The following ATXN7 variants were observed in gnomAD, a reference collection of about 807,000 sequenced individuals.
ATXN7 encodes the protein ataxin-7.
Under a neutral mutation model 70.5 loss-of-function variants are expected in ATXN7, and 12 were observed. That is an observed-to-expected ratio of 0.17 (90% CI 0.11 to 0.28). The LOEUF is 0.28. Among genes scored for constraint, ATXN7 ranks in the 10% least tolerant of loss-of-function variants. The pLI, the probability that ATXN7 is intolerant of heterozygous loss-of-function variation, is 1.00. For synonymous variants in ATXN7, 498 were observed against 448.7 expected (o/e 1.11, Z -1.39); for missense variants, 1,256 against 1,131.7 (o/e 1.11, Z -1.58).
intron 4 of ATXN7, among the ~76,000 whole-genome samples, chr3:63,950,037 A>G (rs980437317): frequency 9.2e-5 from 14 of 152,194 alleles, no homozygotes; most frequent in Admixed American, 6.5e-5. Context: ...TATAGTCATC[A>G]TCAGTTGCAA....
At chr3:63,996,617 TAAAAAAA>T (rs752406394) in intron 12 of ATXN7, 134 bp downstream of exon 12, 2,706 of 202,688 alleles carry the variant, frequency 0.013, 76 homozygotes, top group African/African-American at 0.069. Context: ...GGTGTCTTCT[TAAAAAAA>T]AAAAAAAAAA....
chr3:63,990,621 G>T (rs1211593682), intron 10 of ATXN7, 117 bp from the exon 11 acceptor site: 2 of 1,500,410 alleles, frequency 1.3e-6, no homozygotes, highest in East Asian at 2.3e-5. Context: ...CACAGCCTCC[G>T]GTACTCAGAG....
chr3:63,913,134 T>A, intron 3 of ATXN7, 23 bp from the exon 4 acceptor site: 2 of 1,610,444 alleles, frequency 1.2e-6, no homozygotes, highest in Non-Finnish European at 1.7e-6. Context: ...TCTCCCCTCC[T>A]CCTGTGTGTG....
intron 8 of ATXN7, 78 bp downstream of exon 8, chr3:63,983,099 T>A: frequency 1.8e-6 from 2 of 1,131,990 alleles, no homozygotes; most frequent in Non-Finnish European, 2.7e-6. Flanking sequence ...ACTCCCACAG[T>A]CTCTCTAACC....
intron 4 of ATXN7, among the ~76,000 whole-genome samples, chr3:63,931,315 C>A (rs368947220): frequency 2.6e-5 from 4 of 151,834 alleles, no homozygotes; most frequent in Admixed American, 2.6e-4. Context: ...ACCCGCCCCC[C>A]CAAAAAAAAG....
chr3:63,952,315 C>T, intron 4 of ATXN7, 64 bp from the exon 5 acceptor site: 9 of 1,274,642 alleles, frequency 7.1e-6, no homozygotes, highest in Non-Finnish European at 9.8e-6. Context: ...AAAGTAGTTT[C>T]CCAAAATGGT....
rs775045712 is a variant in ATXN7 at position 63,995,804 on chromosome 3, C to T, written c.1982C>T (p.Ser661Leu). The stretch of plus-strand genomic sequence containing the variant: ...CCTTCCACGCCCTCTGGCCTTTCCT[C>T]GGTTCCTTCCTCCCCCATGTCCAGG... ...SSPSTPSGLS[S>L]VPSSPMSRKP... Residue 661 changes from serine to leucine, a missense_variant, in exon 12 of 13, where the codon TCG becomes TTG. By Grantham distance (145) the Ser-to-Leu change is moderately radical (BLOSUM62 -2). Transcript: ENST00000674280. 46 of 1,614,118 alleles carry T rather than the reference C, an allele frequency of 2.8e-5. No homozygotes were observed. In the East Asian group the frequency reaches 3.8e-4, roughly 13 times the overall value.
At chr3:63,949,005 A>G (rs998688408) in intron 4 of ATXN7, among the ~76,000 whole-genome samples, 1 of 152,178 alleles carries the variant, frequency 6.6e-6, no homozygotes, top group Non-Finnish European at 1.5e-5. Flanking sequence ...TGAATAATGA[A>G]TTCATTTTTA....
intron 4 of ATXN7, among the ~76,000 whole-genome samples, chr3:63,924,404 G>C (rs927732444): frequency 6.6e-6 from 1 of 152,126 alleles, no homozygotes; most frequent in African/African-American, 2.4e-5. Flanking sequence ...AACATACAGA[G>C]GACATGGAAA....
chr3:63,923,858 G>A (rs1704597805), intron 4 of ATXN7, among the ~76,000 whole-genome samples: 2 of 152,128 alleles, frequency 1.3e-5, no homozygotes, highest in East Asian at 1.9e-4. Flanking sequence ...AGAAGGGAAG[G>A]GGGAGGAATG....
chr3:63,916,189 A>G (rs2107306983), intron 4 of ATXN7, among the ~76,000 whole-genome samples: 1 of 152,316 alleles, frequency 6.6e-6, no homozygotes, highest in Middle Eastern at 3.4e-3. Context: ...AGGAGCTGAA[A>G]TTAAATTAGA....
At chr3:63,888,934 A>G (rs923439374) in intron 1 of ATXN7, among the ~76,000 whole-genome samples, 8 of 152,206 alleles carry the variant, frequency 5.3e-5, no homozygotes, top group African/African-American at 1.9e-4. Flanking sequence ...TGATCTTTTA[A>G]AATTGGCTTT....
intron 5 of ATXN7, 34 bp from the exon 6 acceptor site, chr3:63,979,881 C>T: frequency 1.2e-6 from 2 of 1,610,354 alleles, no homozygotes; most frequent in Non-Finnish European, 1.7e-6. Context: ...TCGCCTAAAA[C>T]ATGATGTCTT....
At chr3:63,957,160 T>A (rs1204387785) in intron 5 of ATXN7, among the ~76,000 whole-genome samples, 3 of 152,232 alleles carry the variant, frequency 2.0e-5, no homozygotes. Context: ...AGTTTGCTTA[T>A]GAAGAATACC....
intron 4 of ATXN7, among the ~76,000 whole-genome samples, chr3:63,928,530 T>G (rs1704808686): frequency 6.6e-6 from 1 of 152,222 alleles, no homozygotes; most frequent in Non-Finnish European, 1.5e-5. Context: ...CTTTGAGCAC[T>G]TACTGTGTGT....
chr3:63,905,743 T>C (rs1353490597), intron 2 of ATXN7: 1 of 152,220 alleles, frequency 6.6e-6, no homozygotes, highest in Non-Finnish European at 1.5e-5. Context: ...TGAAGTTCCT[T>C]CACTTAGAAC....
chr3:63,884,203 GCACACACACACA>G (rs57391192), intron 1 of ATXN7, among the ~76,000 whole-genome samples: 107 of 143,028 alleles, frequency 7.5e-4, no homozygotes, highest in African/African-American at 2.5e-3. Flanking sequence ...AATAACATGC[GCACACACACACA>G]CACACACACA....
At chr3:63,990,395 C>T (rs182291289) in intron 10 of ATXN7, 21 bp downstream of exon 10, 133 of 1,613,592 alleles carry the variant, frequency 8.2e-5, no homozygotes, top group Non-Finnish European at 1.1e-4. Context: ...CGTCCACCCC[C>T]GCGTTGACCC....
intron 5 of ATXN7, among the ~76,000 whole-genome samples, chr3:63,961,202 A>T (rs1480125520): frequency 1.3e-5 from 2 of 152,218 alleles, no homozygotes; most frequent in African/African-American, 2.4e-5. Flanking sequence ...CATAAAAAAA[A>T]GTAGATTCAG....
Sources: allele counts gnomAD v4.1 joint callset (sites outside exome capture counted in the v4.1 genomes callset), GRCh38; gene constraint gnomAD v4.1.1; transcripts MANE v1.5; gene names NCBI Gene and HGNC (gene_info 2026-07-23, HGNC 2026-07-21).